The following KCNH5 variants were observed in gnomAD, a reference collection of about 807,000 sequenced individuals.
KCNH5 encodes voltage-gated delayed rectifier potassium channel KCNH5.
Under a neutral mutation model 96.1 loss-of-function variants are expected in KCNH5, and 46 were observed. The observed-to-expected ratio is 0.48, with a 90% confidence interval of 0.38 to 0.61. The LOEUF is 0.61. Ranked by LOEUF, KCNH5 falls within the 20% of genes least tolerant of loss-of-function variation. KCNH5 has a pLI of 0.00. For synonymous variants in KCNH5, 439 were observed against 449.8 expected, an observed-to-expected ratio of 0.98 and a Z score of 0.30; for missense variants, 907 against 1,225.8, an observed-to-expected ratio of 0.74 and a Z score of 3.88.
intron 10 of KCNH5, among the ~76,000 whole-genome samples, chr14:62,765,962 C>A (rs564380266): frequency 6.8e-4 from 104 of 152,156 alleles, no homozygotes; most frequent in African/African-American, 2.2e-3. Flanking sequence ...GAATTAATAA[C>A]CAGAATATAT....
At chr14:62,810,409 A>C (rs1886849516) in intron 8 of KCNH5, among the ~76,000 whole-genome samples, 1 of 152,072 alleles carries the variant, frequency 6.6e-6, no homozygotes, top group African/African-American at 2.4e-5. Flanking sequence ...GAACAAGTCC[A>C]TCTTGAATAG....
chr14:62,799,726 T>TATATATATATATATATATATAC (rs1213484157), intron 9 of KCNH5, among the ~76,000 whole-genome samples: 2 of 68,660 alleles, frequency 2.9e-5, no homozygotes, highest in Non-Finnish European at 5.8e-5. Flanking sequence ...TATATATATA[T>TATATATATATATATATATATAC]ACACACACAC....
At chr14:62,835,453 G>T (rs946716494) in intron 8 of KCNH5, among the ~76,000 whole-genome samples, 4 of 151,920 alleles carry the variant, frequency 2.6e-5, no homozygotes, top group African/African-American at 7.2e-5. Context: ...ACACATCTAA[G>T]TTCATGAGGA....
At chr14:62,727,238 G>A (rs1029024353) in intron 10 of KCNH5, among the ~76,000 whole-genome samples, 1 of 152,068 alleles carries the variant, frequency 6.6e-6, no homozygotes. Flanking sequence ...GGTGGCACAT[G>A]CCTGCCATCC....
chr14:62,804,256 G>GA (rs957621421), intron 8 of KCNH5, among the ~76,000 whole-genome samples: 1 of 151,900 alleles, frequency 6.6e-6, no homozygotes, highest in Non-Finnish European at 1.5e-5. Flanking sequence ...CCACCTTTCT[G>GA]AAAAATCTGA....
chr14:62,907,425 G>A lies in KCNH5; in HGVS notation c.1369+42708C>T, dbSNP rs536647125. Among the ~76,000 whole-genome samples the A allele has an allele frequency of 1.2e-4, 18 of 152,270 alleles. 1 individual carries two copies. The highest frequency in any genetic ancestry group is 1.2e-3 in the Admixed American group (18 of 15,298). On this transcript the variant is annotated intron_variant, in intron 7 of 10. Coordinates refer to ENST00000322893, the MANE Select transcript of KCNH5 (RefSeq NM_139318.5). ...TGATTTGTCTTCACAGTGCCACACT[G>A]ACTATTTCCTAGTTTATCGTGCATT...
At chr14:62,988,010 G>A (rs1027428281) in intron 4 of KCNH5, among the ~76,000 whole-genome samples, 7 of 151,946 alleles carry the variant, frequency 4.6e-5, no homozygotes, top group African/African-American at 1.7e-4. Context: ...ATTTATTTTT[G>A]GAATATCTAG....
chr14:62,938,964 G>A (rs895769244), intron 7 of KCNH5, among the ~76,000 whole-genome samples: 1 of 152,136 alleles, frequency 6.6e-6, no homozygotes, highest in African/African-American at 2.4e-5. Flanking sequence ...AAAACATATT[G>A]GCTGTGAAAA....
intron 10 of KCNH5, among the ~76,000 whole-genome samples, chr14:62,774,256 T>C (rs940799563): frequency 2.0e-5 from 3 of 150,282 alleles, no homozygotes; most frequent in Non-Finnish European, 3.0e-5. Context: ...AAGGCATCTT[T>C]TCCTGACATA....
chr14:62,982,591 G>C (rs546582454), intron 5 of KCNH5, among the ~76,000 whole-genome samples: 1 of 152,118 alleles, frequency 6.6e-6, no homozygotes, highest in African/African-American at 2.4e-5. Context: ...AAAAATACTT[G>C]TTAGCATGTA....
At chr14:62,810,392 C>A (rs544076708) in intron 8 of KCNH5, among the ~76,000 whole-genome samples, 1 of 151,880 alleles carries the variant, frequency 6.6e-6, no homozygotes, top group Non-Finnish European at 1.5e-5. Flanking sequence ...CAGAGGGATG[C>A]GAACTAGAAC....
intron 8 of KCNH5, among the ~76,000 whole-genome samples, chr14:62,833,528 T>C (rs184528270): frequency 6.6e-6 from 1 of 152,184 alleles, no homozygotes; most frequent in East Asian, 1.9e-4. Flanking sequence ...GTTTTAATTA[T>C]TCTAGTTTGT....
chr14:62,848,003 A>G (rs1314778372), intron 8 of KCNH5, among the ~76,000 whole-genome samples: 1 of 152,246 alleles, frequency 6.6e-6, no homozygotes, highest in African/African-American at 2.4e-5. Flanking sequence ...CTCAGTATTC[A>G]AGAATATAGA....
At chr14:62,874,623 C>T (rs1410780580) in intron 7 of KCNH5, among the ~76,000 whole-genome samples, 10 of 151,630 alleles carry the variant, frequency 6.6e-5, no homozygotes, top group Admixed American at 5.3e-4. Flanking sequence ...CAGAAAAGGC[C>T]TTTGACAAAA....
intron 10 of KCNH5, among the ~76,000 whole-genome samples, chr14:62,715,489 C>T (rs1884664829): frequency 6.6e-6 from 1 of 152,160 alleles, no homozygotes; most frequent in South Asian, 2.1e-4. Flanking sequence ...TGAACTAATA[C>T]AACAAAGCAT....
At chr14:62,722,962 G>T (rs1469536029) in intron 10 of KCNH5, among the ~76,000 whole-genome samples, 1 of 152,096 alleles carries the variant, frequency 6.6e-6, no homozygotes, top group East Asian at 1.9e-4. Flanking sequence ...GTACAATTTT[G>T]TTTTGTAGCT....
chr14:62,940,577 T>C (rs1198752077), intron 7 of KCNH5, among the ~76,000 whole-genome samples: 1 of 152,200 alleles, frequency 6.6e-6, no homozygotes, highest in Non-Finnish European at 1.5e-5. Context: ...TTTCATTTCT[T>C]TCCATTCACA....
At chr14:62,761,679 T>C (rs1424622540) in intron 10 of KCNH5, among the ~76,000 whole-genome samples, 3 of 152,302 alleles carry the variant, frequency 2.0e-5, no homozygotes, top group African/African-American at 7.2e-5. Context: ...CATTATATTA[T>C]ATATTCAACT....
intron 1 of KCNH5, among the ~76,000 whole-genome samples, chr14:63,027,968 G>C (rs1365312151): frequency 6.6e-6 from 1 of 152,036 alleles, no homozygotes; most frequent in African/African-American, 2.4e-5. Context: ...CACTACATGA[G>C]AGGTACTCTA....
Sources: allele counts gnomAD v4.1 joint callset (sites outside exome capture counted in the v4.1 genomes callset), GRCh38; gene constraint gnomAD v4.1.1; transcripts MANE v1.5; gene names NCBI Gene and HGNC (gene_info 2026-07-23, HGNC 2026-07-21).